Variants in ATP6V1G1 observed in about 807,000 individuals in gnomAD.
ATP6V1G1 encodes ATPase H+ transporting V1 subunit G1.
ATP6V1G1 carries 14 observed loss-of-function variants against 14.2 expected under a neutral mutation model. The ratio of observed to expected loss-of-function variants is 0.99; its 90% CI spans 0.65 to 1.55. The LOEUF (loss-of-function observed/expected upper bound fraction) is 1.55, where lower values mean the gene tolerates loss of function less well. Among genes scored for constraint, ATP6V1G1 ranks in the 40% most tolerant of loss-of-function variants. ATP6V1G1 has a pLI of 0.00. For missense variants in ATP6V1G1, 137 were observed against 146.4 expected (o/e 0.94, Z 0.33); for synonymous variants, 65 against 53.3 (o/e 1.22, Z -0.96).
intron 1 of ATP6V1G1, among the ~76,000 whole-genome samples, chr9:114,590,504 T>C (rs1845172816): frequency 6.6e-6 from 1 of 152,010 alleles, no homozygotes; most frequent in Admixed American, 6.5e-5. Context: ...AGTGTTTTAC[T>C]ATGTCGGCCG....
intron 1 of ATP6V1G1, among the ~76,000 whole-genome samples, chr9:114,588,485 T>C (rs1225640618): frequency 6.6e-6 from 1 of 150,514 alleles, no homozygotes; most frequent in African/African-American, 2.5e-5. Flanking sequence ...GCAGTGTGTG[T>C]GTGTTTCTAA....
chr9:114,595,016 C>T (rs563837831), intron 2 of ATP6V1G1, among the ~76,000 whole-genome samples: 75 of 150,816 alleles, frequency 5.0e-4, no homozygotes, highest in African/African-American at 1.7e-3. Context: ...CCCACCACCA[C>T]GCCTGGCAGT....
chr9:114,591,765 C>G (rs1845184182), intron 1 of ATP6V1G1, among the ~76,000 whole-genome samples: 1 of 151,308 alleles, frequency 6.6e-6, no homozygotes, highest in South Asian at 2.1e-4. Flanking sequence ...TGCAGGATGT[C>G]TTTTGCTCTC....
chr9:114,592,643 G>A lies in ATP6V1G1; in HGVS notation c.174G>A (p.Lys58=). ...RLQREKEFKA[K]EAAALGSRGS... ...AGAGGGAGAAAGAATTCAAGGCCAA[G>A]GAAGCTGCGGTGGGGCACCATTTGT... The change falls in exon 2 of 3, where the codon AAG becomes AAA. Residue 58 remains lysine, a synonymous_variant. Coordinates refer to ENST00000374050, the MANE Select transcript of ATP6V1G1 (RefSeq NM_004888.4). The A allele has an allele frequency of 1.3e-6, 2 of 1,574,542 alleles. No homozygotes were observed. The highest frequency in any genetic ancestry group is 1.7e-6 in the Non-Finnish European group (2 of 1,158,884).
intron 2 of ATP6V1G1, 109 bp downstream of exon 2, chr9:114,592,761 G>A: frequency 1.8e-6 from 2 of 1,142,400 alleles, no homozygotes; most frequent in Non-Finnish European, 2.5e-6. Context: ...GTTTGAAAAT[G>A]TGGTAGCTGT....
rs1370407793 is a variant in ATP6V1G1, at chr9:114,592,567, T to TGAAGCAGGCC, written c.99_108dup (p.Lys37GlufsTer10). On this transcript the variant is annotated frameshift_variant, in exon 2 of 3. Transcript: ENST00000374050. LOFTEE classifies it high-confidence loss of function. The stretch of plus-strand genomic sequence containing the variant: ...TTGAAAACAGGAAAGAACCGGAGGC[T>TGAAGCAGGCC]GAAGCAGGCCAAAGAAGAAGCTCAG... 1 of 1,566,198 alleles carries TGAAGCAGGCC rather than the reference T, an allele frequency of 6.4e-7. No individual in the cohort carries two copies. The highest frequency in any genetic ancestry group is 8.7e-7 in the Non-Finnish European group (1 of 1,155,164).
intron 1 of ATP6V1G1, among the ~76,000 whole-genome samples, chr9:114,591,441 T>C (rs1358458462): frequency 6.6e-6 from 1 of 152,128 alleles, no homozygotes; most frequent in Non-Finnish European, 1.5e-5. Context: ...TACAGCCCAT[T>C]ATAGCTGATG....
At position 114,587,918 on chromosome 9, in the gene ATP6V1G1, A is replaced by C. The variant is rs1208370205; in HGVS notation, c.80A>C (p.Lys27Thr). 1 of 1,574,420 alleles carries C rather than the reference A, an allele frequency of 6.4e-7. No individual in the cohort carries two copies. The highest frequency in any genetic ancestry group is 8.6e-7 in the Non-Finnish European group (1 of 1,160,026). The change falls in exon 1 of 3, where the codon AAA becomes ACA. Residue 27 changes from lysine to threonine, a missense_variant and splice_region_variant. Lys to Thr is a moderately conservative substitution (Grantham distance 78). Coordinates refer to ENST00000374050, the MANE Select transcript of ATP6V1G1 (RefSeq NM_004888.4). ...GCCGAGAAGGTGTCCGAGGCCCGCA[A>C]AAGTGAGTTTCAGGGTGGGGCTGCC... is the stretch of plus-strand genomic sequence containing the variant. ...RAAEKVSEAR[K>T]RKNRRLKQAK...
intron 1 of ATP6V1G1, among the ~76,000 whole-genome samples, chr9:114,590,671 G>A (rs1845174443): frequency 6.6e-6 from 1 of 151,804 alleles, no homozygotes; most frequent in Non-Finnish European, 1.5e-5. Context: ...AATTATGGTT[G>A]ATTTGCCCAG....
intron 1 of ATP6V1G1, among the ~76,000 whole-genome samples, chr9:114,591,707 T>G (rs967404647): frequency 3.4e-4 from 52 of 152,282 alleles, no homozygotes; most frequent in African/African-American, 1.2e-3. Context: ...CTCTAGACAG[T>G]TGGTATACAA....
chr9:114,588,172 T>A (rs1177007509), intron 1 of ATP6V1G1: 1 of 538,822 alleles, frequency 1.9e-6, no homozygotes, highest in Non-Finnish European at 3.3e-6. Flanking sequence ...CCTGGAGGCA[T>A]GTGAAATGGG....
chr9:114,598,530 A>C lies in ATP6V1G1; in HGVS notation c.*787A>C, dbSNP rs887179207. 2.0e-5 allele frequency among the ~76,000 whole-genome samples: 3 copies of C among 152,208 alleles called. No individual in the cohort carries two copies. The highest frequency in any genetic ancestry group is 7.2e-5 in the African/African-American group (3 of 41,438). ...ACATATCACATACCCATTTATATAC[A>C]TAATTAGAAAATGTTCCTGATACAT... is the stretch of plus-strand genomic sequence containing the variant. On this transcript the variant is annotated 3_prime_UTR_variant, in exon 3 of 3. Coordinates refer to ENST00000374050, the MANE Select transcript of ATP6V1G1 (RefSeq NM_004888.4).
Position 114,587,823 on chromosome 9 carries a change from C to A in ATP6V1G1, c.-16C>A. The A allele has an allele frequency of 6.3e-7, 1 of 1,577,568 alleles. No individual in the cohort carries two copies. The highest frequency in any genetic ancestry group is 1.3e-5 in the African/African-American group (1 of 74,434). On this transcript the variant is annotated 5_prime_UTR_variant, in exon 1 of 3. Coordinates refer to ENST00000374050, the MANE Select transcript of ATP6V1G1 (RefSeq NM_004888.4). ...TGCCTTAGGCCGCTTGCCTTGCTCTCAGAATCGCTGCCGCCATGGCTAGTC... is the reference window on the plus strand; with the variant it reads ...TGCCTTAGGCCGCTTGCCTTGCTCTAAGAATCGCTGCCGCCATGGCTAGTC...
chr9:114,592,711 C>A, intron 2 of ATP6V1G1, 59 bp downstream of exon 2: 1 of 1,512,280 alleles, frequency 6.6e-7, no homozygotes, highest in Non-Finnish European at 9.0e-7. Flanking sequence ...CCCGCCAAGG[C>A]TTTCAGAATA....
chr9:114,589,181 C>T (rs1314727388), intron 1 of ATP6V1G1, among the ~76,000 whole-genome samples: 3 of 152,174 alleles, frequency 2.0e-5, no homozygotes, highest in Non-Finnish European at 2.9e-5. Context: ...GGCTTGGAGT[C>T]CCTCCCAAGT....
chr9:114,588,955 C>A (rs1302357520), intron 1 of ATP6V1G1, among the ~76,000 whole-genome samples: 3 of 152,210 alleles, frequency 2.0e-5, no homozygotes, highest in Non-Finnish European at 4.4e-5. Context: ...AGGCCTGGTG[C>A]TTTCCTCCAG....
rs1381353450 is a variant in ATP6V1G1 at position 114,594,365 on chromosome 9, A to T, written c.183+1713A>T. 2.1e-5 allele frequency among the ~76,000 whole-genome samples: 3 copies of T among 145,600 alleles called. 1 individual carries two copies. Among genetic ancestry groups the T allele is most frequent in the African/African-American group, 7.7e-5 (3 of 39,140 alleles). On this transcript the variant is annotated intron_variant, in intron 2 of 2. Coordinates refer to ENST00000374050, the MANE Select transcript of ATP6V1G1 (RefSeq NM_004888.4). ...ATGACAGGTGTGAGCCACCGCGCCC[A>T]GCGCCCCCCGCCCCTTTTTTTTTTT...
At chr9:114,597,268 G>A (rs1845249498) in intron 2 of ATP6V1G1, among the ~76,000 whole-genome samples, 2 of 152,132 alleles carry the variant, frequency 1.3e-5, no homozygotes, top group Admixed American at 6.5e-5. Flanking sequence ...GGGATTACAG[G>A]CGTGAGCCAC....
At chr9:114,589,232 T>C (rs1845159687) in intron 1 of ATP6V1G1, among the ~76,000 whole-genome samples, 1 of 152,240 alleles carries the variant, frequency 6.6e-6, no homozygotes, top group African/African-American at 2.4e-5. Flanking sequence ...TGTTTGTTTA[T>C]ATGGCTCAGT....
Sources: gnomAD v4.1 joint callset for allele counts (sites outside exome capture counted in the v4.1 genomes callset) on GRCh38, gnomAD v4.1.1 for gene constraint, MANE v1.5 for transcripts, NCBI Gene and HGNC (gene_info 2026-07-23, HGNC 2026-07-21) for gene names.